Variants in TREH observed in about 807,000 individuals in gnomAD.
TREH encodes trehalase, also known as alpha,alpha-trehalose glucohydrolase.
In TREH, 69 loss-of-function variants were observed where a neutral mutation model predicts 80.5. The observed-to-expected ratio is 0.86, with a 90% CI of 0.71 to 1.05. The LOEUF is 1.05. Among genes scored for constraint, TREH ranks in the 50% least tolerant of loss-of-function variants. The pLI, the probability that TREH is intolerant of heterozygous loss-of-function variation, is 0.00. For synonymous variants in TREH, 309 were observed against 293.5 expected, an observed-to-expected ratio of 1.05 and a Z score of -0.54; for missense variants, 716 against 718.8, an observed-to-expected ratio of 1.00 and a Z score of 0.04.
intron 1 of TREH, among the ~76,000 whole-genome samples, chr11:118,670,012 A>G (rs1377909776): frequency 1.3e-5 from 2 of 152,184 alleles, no homozygotes; most frequent in Admixed American, 6.5e-5. Flanking sequence ...ATTAAAAAAA[A>G]AGAACAAAAC....
At chr11:118,672,129 G>A (rs959680235) in intron 1 of TREH, among the ~76,000 whole-genome samples, 4 of 152,216 alleles carry the variant, frequency 2.6e-5, no homozygotes, top group Non-Finnish European at 1.5e-5. Flanking sequence ...GCCGGGCATG[G>A]TGGCTCACGC....
chr11:118,665,013 G>A (rs1329052132), intron 1 of TREH, among the ~76,000 whole-genome samples: 2 of 152,060 alleles, frequency 1.3e-5, no homozygotes, highest in East Asian at 1.9e-4. Context: ...GGAGGCTGAG[G>A]CAGGAGAATC....
rs550888673 is a variant in TREH at position 118,659,929 on chromosome 11, G to T, written c.1138C>A (p.Arg380=). Residue 380 remains arginine, a synonymous_variant, in exon 11 of 15, where the codon CGG becomes AGG. Transcript: ENST00000264029. ...TTCAGGGCGGCCAAGCGCTGCGACC[G>T]CAGGATTCTGTACTTCGTGGCCTGG... is the stretch of plus-strand genomic sequence containing the variant. ...DSQATKYRIL[R]SQRLAALNTV... The T allele has an allele frequency of 3.9e-6, 6 of 1,551,536 alleles. No individual in the cohort carries two copies. Among genetic ancestry groups the T allele is most frequent in the Admixed American group, 2.0e-5 (1 of 50,986 alleles).
Position 118,659,920 on chromosome 11 carries a change from G to T in TREH, c.1147C>A (p.Arg383Ser). 1.9e-6 allele frequency: 3 copies of T among 1,551,732 alleles called. No individual in the cohort carries two copies. The highest frequency in any genetic ancestry group is 2.6e-6 in the Non-Finnish European group (3 of 1,147,012). The change falls in exon 11 of 15, where the codon CGC (arginine) becomes AGC (serine). Residue 383 changes from arginine to serine, a missense_variant. By Grantham distance (110) the Arg-to-Ser change is moderately radical. Transcript: ENST00000264029. ...ATKYRILRSQ[R>S]LAALNTVLWD... is the part of the protein sequence containing the mutation. Reference sequence around the variant, plus strand: ...AGGACTGTGTTCAGGGCGGCCAAGCGCTGCGACCGCAGGATTCTGTACTTC... The same window carrying T: ...AGGACTGTGTTCAGGGCGGCCAAGCTCTGCGACCGCAGGATTCTGTACTTC...
chr11:118,658,488 C>A (rs1449002181), intron 14 of TREH, 47 bp from the exon 15 acceptor site: 6 of 1,594,906 alleles, frequency 3.8e-6, no homozygotes, highest in Non-Finnish European at 4.3e-6. Flanking sequence ...AAGCCTCATA[C>A]CCTTGGTGGG....
chr11:118,672,501 T>G (rs1271847274), intron 1 of TREH, among the ~76,000 whole-genome samples: 1 of 151,868 alleles, frequency 6.6e-6, no homozygotes, highest in Non-Finnish European at 1.5e-5. Flanking sequence ...CTTGAGGTCC[T>G]GAGTTCAAGA....
rs1555144471 is a variant in TREH, at chr11:118,659,802, C to T, written c.1265G>A (p.Trp422Ter). 1 of 1,582,996 alleles carries T rather than the reference C, an allele frequency of 6.3e-7. No individual in the cohort carries two copies. The highest frequency in any genetic ancestry group is 2.3e-5 in the East Asian group (1 of 43,386). Reference protein sequence around the residue: ...EFYPSNLTPLWAGCFSDPGVA... With the variant: ...EFYPSNLTPL ...GCCAGGGTCAGAGAAACACCCGGCC[C>T]AGAGTGGAGTGAGGTTGGATGGGTA... The change falls in exon 11 of 15, where the codon TGG becomes TAG. Residue 422 changes from tryptophan (W) to a stop codon, truncating the protein, a stop_gained. Transcript: ENST00000264029. LOFTEE classifies it high-confidence loss of function.
intron 1 of TREH, among the ~76,000 whole-genome samples, chr11:118,673,016 A>G (rs1259180285): frequency 6.6e-6 from 1 of 152,094 alleles, no homozygotes; most frequent in Non-Finnish European, 1.5e-5. Flanking sequence ...AGAAGAATCT[A>G]TCTAATAGGG....
chr11:118,669,945 G>GT (rs1555146060), intron 1 of TREH, among the ~76,000 whole-genome samples: 2 of 151,856 alleles, frequency 1.3e-5, no homozygotes, highest in African/African-American at 4.8e-5. Flanking sequence ...TTGCATGCCT[G>GT]TATCAAAATA....
intron 4 of TREH, 139 bp from the exon 5 acceptor site, chr11:118,662,129 C>T: frequency 1.5e-6 from 1 of 672,072 alleles, no homozygotes; most frequent in South Asian, 1.8e-5. Context: ...CACTGCTACT[C>T]AGCCATGTAA....
In TREH at chr11:118,673,739, C is replaced by T. The variant is rs1949451309; in HGVS notation, c.89+5800G>A. On this transcript the variant is annotated intron_variant, in intron 1 of 14. Coordinates refer to ENST00000264029, the MANE Select transcript of TREH (RefSeq NM_007180.3). ...AGGTTCCCATTGTCCTTCCGCCTGA[C>T]CATATGGCCAGGCCATTGGCCACTG... Among the ~76,000 whole-genome samples, 3 of 152,300 alleles carry T rather than the reference C, an allele frequency of 2.0e-5. No individual in the cohort carries two copies. The South Asian group carries it at 6.2e-4, about 32-fold the overall frequency.
In TREH at chr11:118,661,151, G is replaced by A; in HGVS notation, c.857+9C>T. 1 of 1,613,832 alleles carries A rather than the reference G, an allele frequency of 6.2e-7. No individual in the cohort carries two copies. Among genetic ancestry groups the A allele is most frequent in the Non-Finnish European group, 8.5e-7 (1 of 1,179,884 alleles). ...AAGAGATTGAGGGGTGGGCTGCCCA[G>A]TTCCTCACCTGGGTCCCCCATAAGG... On this transcript the variant is annotated intron_variant, in intron 8 of 14. Transcript: ENST00000264029. The surrounding 1 kb of genome is among the most constrained non-coding windows in gnomAD (Gnocchi z 4.2).
intron 1 of TREH, among the ~76,000 whole-genome samples, chr11:118,671,441 GAAGA>G (rs1325666060): frequency 3.3e-5 from 5 of 151,946 alleles, no homozygotes; most frequent in Non-Finnish European, 5.9e-5. Flanking sequence ...TGATCAAGCA[GAAGA>G]AAGAATTAGT....
At chr11:118,662,586 T>A in intron 4 of TREH, 1 of 431,240 alleles carries the variant, frequency 2.3e-6, no homozygotes, top group Non-Finnish European at 4.2e-6. Context: ...GCAGTGAACA[T>A]CTACCCAGTG....
chr11:118,661,915 C>A lies in TREH; in HGVS notation c.499G>T (p.Gly167Cys). ...CAGTAGTAGAACTCAACAAAGCGAC[C>A]GCCAGGCACAATGAAGGGATGTTCT... ...YSEHPFIVPG[G>C]RFVEFYYWDS... is the part of the protein sequence containing the mutation. The change falls in exon 5 of 15, where the codon GGT (glycine) becomes TGT (cysteine). Residue 167 changes from glycine (G) to cysteine (C), a missense_variant. Physicochemically the swap from Gly to Cys is radical, Grantham distance 159. Coordinates refer to ENST00000264029, the MANE Select transcript of TREH (RefSeq NM_007180.3). This position sits in a 1 kb window ranked among gnomAD's most constrained non-coding sequence, Gnocchi z 4.2. The A allele has an allele frequency of 6.4e-7, 1 of 1,555,966 alleles. No homozygotes were observed. Among genetic ancestry groups the A allele is most frequent in the East Asian group, 2.4e-5 (1 of 41,202 alleles).
chr11:118,676,710 T>C (rs1949482655), intron 1 of TREH, among the ~76,000 whole-genome samples: 1 of 78 alleles, frequency 0.013, no homozygotes, highest in African/African-American at 0.05. Context: ...GAGGTTGCAT[T>C]GAGCCAAAAT....
intron 14 of TREH, 110 bp downstream of exon 14, chr11:118,658,570 C>T (rs1565522575): frequency 8.6e-6 from 13 of 1,516,774 alleles, no homozygotes; most frequent in Non-Finnish European, 1.1e-5. Context: ...CAGTCAGCTC[C>T]TCCCCCGGGC....
intron 1 of TREH, among the ~76,000 whole-genome samples, chr11:118,665,869 C>T (rs1196810669): frequency 1.3e-5 from 2 of 152,242 alleles, no homozygotes; most frequent in African/African-American, 4.8e-5. Context: ...TGCAACACTA[C>T]TATTACTGCT....
At chr11:118,669,665 A>C (rs564008910) in intron 1 of TREH, among the ~76,000 whole-genome samples, 1 of 152,182 alleles carries the variant, frequency 6.6e-6, no homozygotes, top group Non-Finnish European at 1.5e-5. Flanking sequence ...ACTCATGGAG[A>C]TAGAGAGTAG....
Sources: gnomAD v4.1 joint callset for allele counts (sites outside exome capture counted in the v4.1 genomes callset) on GRCh38, gnomAD v4.1.1 for gene constraint, Gnocchi (gnomAD v3.1) non-coding constraint, MANE v1.5 for transcripts, NCBI Gene and HGNC (gene_info 2026-07-23, HGNC 2026-07-21) for gene names.